The following POLR3GL variants were observed in gnomAD, a reference collection of about 807,000 sequenced individuals.
The protein encoded by POLR3GL is DNA-directed RNA polymerase III subunit RPC7-like.
POLR3GL carries 26 observed loss-of-function variants against 32.4 expected under a neutral mutation model. The observed-to-expected ratio is 0.80, with a 90% CI of 0.59 to 1.11. The LOEUF is 1.11. Ranked by LOEUF, POLR3GL falls within the 50% of genes most tolerant of loss-of-function variation. The pLI is 0.00. For missense variants in POLR3GL, 229 were observed against 280.1 expected (o/e 0.82, Z 1.30); for synonymous variants, 95 against 98.7 (o/e 0.96, Z 0.22).
chr1:145,978,293 AGG>A, intron 7 of POLR3GL, 66 bp from the exon 8 acceptor site: 3 of 1,343,298 alleles, frequency 2.2e-6, no homozygotes, highest in Non-Finnish European at 3.2e-6. Flanking sequence ...CTGAGAGGAA[AGG>A]GGTCTGGTAC....
intron 3 of POLR3GL, 104 bp from the exon 4 acceptor site, chr1:145,976,980 G>T: frequency 1.1e-6 from 1 of 949,232 alleles, no homozygotes; most frequent in Non-Finnish European, 1.7e-6. Flanking sequence ...TGGGTTTGGG[G>T]TAAGGAAACA....
Position 145,977,798 on chromosome 1 carries a change from A to G in POLR3GL, c.403A>G (p.Lys135Glu). ...QKERITILLP[K>E]RPPKTTEDKE... Reference sequence around the variant, plus strand: ...ACCAGGGATTACAATTCTGCTCCCCAAGAGGCCCCCTAAGACCACAGAAGA... The same window carrying G: ...ACCAGGGATTACAATTCTGCTCCCCGAGAGGCCCCCTAAGACCACAGAAGA... The change falls in exon 6 of 8, where the codon AAG becomes GAG. Residue 135 changes from lysine (K) to glutamate (E), a missense_variant. Coordinates refer to ENST00000369314, the MANE Select transcript of POLR3GL (RefSeq NM_032305.3). 6 of 1,614,062 alleles carry G rather than the reference A, an allele frequency of 3.7e-6. No homozygotes were observed. Among genetic ancestry groups the G allele is most frequent in the Non-Finnish European group, 5.1e-6 (6 of 1,179,950 alleles).
chr1:145,972,293 T>C (rs771709391), intron 1 of POLR3GL, among the ~76,000 whole-genome samples: 1 of 150,640 alleles, frequency 6.6e-6, no homozygotes, highest in Non-Finnish European at 1.5e-5. Context: ...GGCAGGAGAA[T>C]CTCTTGAACC....
intron 2 of POLR3GL, 149 bp from the exon 3 acceptor site, chr1:145,975,158 T>A (rs1227000400): frequency 5.4e-5 from 71 of 1,302,782 alleles, no homozygotes; most frequent in Non-Finnish European, 7.1e-5. Flanking sequence ...CCTTTACTTC[T>A]CCCCAGCTTT....
At chr1:145,977,673 G>C in intron 5 of POLR3GL, 105 bp from the exon 6 acceptor site, 1 of 1,323,628 alleles carries the variant, frequency 7.6e-7, no homozygotes, top group Non-Finnish European at 1.1e-6. Flanking sequence ...AGATGTCATA[G>C]TGGCCACATG....
intron 3 of POLR3GL, 94 bp downstream of exon 3, chr1:145,975,530 T>C (rs772375284): frequency 1.9e-4 from 267 of 1,422,132 alleles, no homozygotes; most frequent in Admixed American, 2.9e-4. Flanking sequence ...ACAGGAAGCA[T>C]ACTATCTAAC....
At chr1:145,972,070 C>T (rs1650347140) in intron 1 of POLR3GL, among the ~76,000 whole-genome samples, 1 of 140,826 alleles carries the variant, frequency 7.1e-6, no homozygotes, top group Non-Finnish European at 1.5e-5. Flanking sequence ...ATTCCCTATA[C>T]ACAGTCCACA....
Position 145,977,471 on chromosome 1 carries a change from C to T in POLR3GL, c.326-12C>T, listed in dbSNP as rs782143448. On this transcript the variant is annotated splice_polypyrimidine_tract_variant and intron_variant, in intron 4 of 7. Transcript: ENST00000369314. ...AGGGTCCTATTGACATTTACGTTCC[C>T]ACTATTCCCAGATTGGCGGCGTCTA... 1 of 1,613,606 alleles carries T rather than the reference C, an allele frequency of 6.2e-7. No individual in the cohort carries two copies. The highest frequency in any genetic ancestry group is 1.1e-5 in the South Asian group (1 of 91,070).
At chr1:145,973,282 G>C (rs1650407070) in intron 1 of POLR3GL, among the ~76,000 whole-genome samples, 2 of 152,086 alleles carry the variant, frequency 1.3e-5, no homozygotes, top group Non-Finnish European at 2.9e-5. Context: ...CAGGATTGAT[G>C]ATAAGAGACA....
At chr1:145,965,644 AC>A (rs1306279892) in intron 1 of POLR3GL, among the ~76,000 whole-genome samples, 1 of 152,060 alleles carries the variant, frequency 6.6e-6, no homozygotes, top group African/African-American at 2.4e-5. Flanking sequence ...CTTCTTACAA[AC>A]CCTATGTAGT....
chr1:145,972,041 G>T (rs56383979), intron 1 of POLR3GL, among the ~76,000 whole-genome samples: 16,842 of 130,174 alleles, frequency 0.13, 2,129 homozygotes, highest in African/African-American at 0.33. Flanking sequence ...TATATATATA[G>T]AGAGAGAGAG....
At chr1:145,975,718 A>C (rs1348371501) in intron 3 of POLR3GL, among the ~76,000 whole-genome samples, 1 of 152,004 alleles carries the variant, frequency 6.6e-6, no homozygotes, top group Non-Finnish European at 1.5e-5. Flanking sequence ...TTTTTGTAAA[A>C]TAGAGATAGG....
At chr1:145,965,137 C>T (rs1649960226) in intron 1 of POLR3GL, among the ~76,000 whole-genome samples, 1 of 152,150 alleles carries the variant, frequency 6.6e-6, no homozygotes, top group Non-Finnish European at 1.5e-5. Context: ...TGAATTGTTC[C>T]CCCGTCTACG....
chr1:145,977,086 G>A lies in POLR3GL; in HGVS notation c.259G>A (p.Val87Met), dbSNP rs1553763511. The A allele has an allele frequency of 6.2e-7, 1 of 1,613,796 alleles. No homozygotes were observed. Among genetic ancestry groups the A allele is most frequent in the Admixed American group, 1.7e-5 (1 of 60,002 alleles). Residue 87 changes from valine (V) to methionine (M), a missense_variant and splice_region_variant, in exon 4 of 8, where the codon GTG becomes ATG. Val to Met is a conservative substitution (Grantham distance 21). Coordinates refer to ENST00000369314, the MANE Select transcript of POLR3GL (RefSeq NM_032305.3). Reference sequence around the variant, plus strand: ...ACTTTGACCCTTCCACCCCTCAGATGTGGAGCGTTATTCAGACAAATATCA... The same window carrying A: ...ACTTTGACCCTTCCACCCCTCAGATATGGAGCGTTATTCAGACAAATATCA... ...FIRPAVPKRD[V>M]ERYSDKYQMS... is the part of the protein sequence containing the mutation.
intron 4 of POLR3GL, 125 bp downstream of exon 4, chr1:145,977,277 T>C (rs1247432582): frequency 1.1e-6 from 1 of 947,214 alleles, no homozygotes; most frequent in East Asian, 2.4e-5. Context: ...AGAGCCTTAG[T>C]TATGGTCCAA....
At chr1:145,972,103 C>T (rs1553762809) in intron 1 of POLR3GL, among the ~76,000 whole-genome samples, 2 of 145,888 alleles carry the variant, frequency 1.4e-5, no homozygotes, top group African/African-American at 5.1e-5. Flanking sequence ...GAAGTTATAG[C>T]CAGTGCGGTG....
chr1:145,966,279 A>G (rs927184352), intron 1 of POLR3GL, among the ~76,000 whole-genome samples: 3 of 151,410 alleles, frequency 2.0e-5, no homozygotes, highest in Admixed American at 6.6e-5. Context: ...CAGGAGTTCA[A>G]GACCAGTCTA....
At chr1:145,974,552 T>C (rs1219975225) in intron 1 of POLR3GL, among the ~76,000 whole-genome samples, 1 of 152,138 alleles carries the variant, frequency 6.6e-6, no homozygotes, top group African/African-American at 2.4e-5. Context: ...CATCAAATTG[T>C]CTTAGGGATG....
At chr1:145,969,659 G>A (rs1650190267) in intron 1 of POLR3GL, among the ~76,000 whole-genome samples, 4 of 150,772 alleles carry the variant, frequency 2.7e-5, no homozygotes, top group Admixed American at 2.0e-4. Context: ...GGTGGCTCAT[G>A]CCTGTAATCC....
Sources: allele counts gnomAD v4.1 joint callset (sites outside exome capture counted in the v4.1 genomes callset), GRCh38; gene constraint gnomAD v4.1.1; transcripts MANE v1.5; gene names NCBI Gene and HGNC (gene_info 2026-07-23, HGNC 2026-07-21).